CTDNEP1: variants seen among roughly 807,000 people sequenced by gnomAD.
CTDNEP1 encodes the protein CTD nuclear envelope phosphatase 1.
CTDNEP1 carries 3 observed loss-of-function variants against 30.1 expected under a neutral mutation model. The observed-to-expected ratio is 0.10, with a 90% CI of 0.05 to 0.26. The LOEUF (loss-of-function observed/expected upper bound fraction) is 0.26, where lower values mean the gene tolerates loss of function less well. Among genes scored for constraint, CTDNEP1 ranks in the 10% least tolerant of loss-of-function variants. The probability of loss-of-function intolerance (pLI) is 1.00; values close to 1 mark genes in which losing one functional copy is unlikely to be tolerated. For synonymous variants in CTDNEP1, 123 were observed against 118.8 expected, an observed-to-expected ratio of 1.04 and a Z score of -0.23; for missense variants, 158 against 310.4, an observed-to-expected ratio of 0.51 and a Z score of 3.69.
chr17:7,244,480 T>C, intron 7 of CTDNEP1, 71 bp downstream of exon 7: 2 of 1,431,660 alleles, frequency 1.4e-6, no homozygotes, highest in Non-Finnish European at 2.0e-6. Context: ...AAACCTTTTT[T>C]ATTCCCTCTG....
intron 1 of CTDNEP1, among the ~76,000 whole-genome samples, chr17:7,247,605 A>T (rs2071859603): frequency 1.3e-5 from 2 of 151,564 alleles, no homozygotes; most frequent in Admixed American, 1.3e-4. Flanking sequence ...AATAGCTGGG[A>T]CTACAGGCGT....
Position 7,247,177 on chromosome 17 carries a change from C to G in CTDNEP1, c.175G>C (p.Val59Leu), listed in dbSNP as rs2071849588. The change falls in exon 3 of 8, where the codon GTG becomes CTG. Residue 59 changes from valine to leucine, a missense_variant. Coordinates refer to ENST00000574322, the MANE Select transcript of CTDNEP1 (RefSeq NM_001143775.2). ...TCCAGCACCAGGATCTTCCTCTTCA[C>G]CTGGGCTGAACCAGAGTGGGGAGGA... Reference protein sequence around the residue: ...SPVSRNRLAQVKRKILVLDLD... With the variant: ...SPVSRNRLAQLKRKILVLDLD... The G allele has an allele frequency of 6.2e-7, 1 of 1,613,530 alleles. No individual in the cohort carries two copies. The highest frequency in any genetic ancestry group is 1.3e-5 in the African/African-American group (1 of 74,880).
Position 7,246,263 on chromosome 17 carries a change from A to G in CTDNEP1, c.468T>C (p.Tyr156=), listed in dbSNP as rs761474813. Residue 156 remains tyrosine (Y), a synonymous_variant, in exon 5 of 8, where the codon TAT becomes TAC. Transcript: ENST00000574322. The surrounding 1 kb of genome is among the most constrained non-coding windows in gnomAD (Gnocchi z 4.9). ...TGGGATTCTAGCTTACCTGTCTGTA[A>G]TATCTCCTCTTAAGAATGCTTCTGC... ...DNSRSILKRR[Y]YRQHCTLELG... 5.0e-6 allele frequency: 8 copies of G among 1,611,460 alleles called. No homozygotes were observed. The highest frequency in any genetic ancestry group is 2.2e-5 in the East Asian group (1 of 44,884).
intron 6 of CTDNEP1, among the ~76,000 whole-genome samples, chr17:7,245,317 T>C (rs1177720525): frequency 6.6e-6 from 1 of 150,386 alleles, no homozygotes. Flanking sequence ...ATAAAAAAAT[T>C]AGCTGGGCAT....
At position 7,251,350 on chromosome 17, in the gene CTDNEP1, G is replaced by GC. The variant is rs1167137953; in HGVS notation, c.-55dup. The GC allele has an allele frequency of 1.1e-5, 14 of 1,250,978 alleles. No homozygotes were observed. Among genetic ancestry groups the GC allele is most frequent in the Middle Eastern group, 5.7e-4 (2 of 3,490 alleles). The allele number at this position is 1,250,978 out of a possible 1,614,324, so 77.5% of individuals were successfully genotyped here. On this transcript the variant is annotated 5_prime_UTR_variant, in exon 1 of 8. Transcript: ENST00000574322. ...GGGCCCCCGCGGCCCAGCTCCGCCAGCCCCCCGGGGGCAGCCCCCCGCCGC... is the reference window on the plus strand; with the variant it reads ...GGGCCCCCGCGGCCCAGCTCCGCCAGCCCCCCCGGGGGCAGCCCCCCGCCGC...
At position 7,248,345 on chromosome 17, in the gene CTDNEP1, G is replaced by A. The variant is rs112787002; in HGVS notation, c.103-1002C>T. ...TACCAATGCAGTTCAACCCAAGAAC[G>A]TGCCCTCTTTTTTTTTCTTTTTTTT... On this transcript the variant is annotated intron_variant, in intron 1 of 7. Coordinates refer to ENST00000574322, the MANE Select transcript of CTDNEP1 (RefSeq NM_001143775.2). Among the ~76,000 whole-genome samples the A allele has an allele frequency of 3.9e-3, 557 of 144,504 alleles. 7 individuals are homozygous for A. The highest frequency in any genetic ancestry group is 0.014 in the African/African-American group (538 of 38,706). The allele number at this position is 144,504 out of a possible 152,430, so 94.8% of individuals were successfully genotyped here. A position where few individuals can be genotyped will look rare whatever the true frequency, so the allele number is the denominator to read the frequency against.
At position 7,248,460 on chromosome 17, in the gene CTDNEP1, A is replaced by G. The variant is rs2071873015; in HGVS notation, c.103-1117T>C. Among the ~76,000 whole-genome samples the G allele has an allele frequency of 2.0e-5, 3 of 149,746 alleles. 1 individual carries two copies. The South Asian group carries it at 6.3e-4, about 32-fold the overall frequency. Reference sequence around the variant, plus strand: ...CTGCAACCTCCACCTCCCAGGTTCAAGCAATTCTCCTGCCTCAGCCTCCTA... The same window carrying G: ...CTGCAACCTCCACCTCCCAGGTTCAGGCAATTCTCCTGCCTCAGCCTCCTA... On this transcript the variant is annotated intron_variant, in intron 1 of 7. Coordinates refer to ENST00000574322, the MANE Select transcript of CTDNEP1 (RefSeq NM_001143775.2).
chr17:7,249,171 C>T (rs533791622), intron 1 of CTDNEP1, among the ~76,000 whole-genome samples: 7 of 152,304 alleles, frequency 4.6e-5, no homozygotes, highest in East Asian at 3.9e-4. Flanking sequence ...TTTCCTAATA[C>T]GCACATCTCC....
chr17:7,244,972 A>G (rs1469963413), intron 6 of CTDNEP1: 2 of 228,564 alleles, frequency 8.8e-6, no homozygotes, highest in African/African-American at 4.7e-5. Flanking sequence ...AGCCTGGGCA[A>G]CATAATGAGA....
At chr17:7,244,658 TGAG>T (rs2071814602) in intron 6 of CTDNEP1, 23 bp from the exon 7 acceptor site, 1 of 1,530,760 alleles carries the variant, frequency 6.5e-7, no homozygotes, top group Non-Finnish European at 8.9e-7. Context: ...AAAATGCAGA[TGAG>T]AAGAAACAGA....
chr17:7,246,553 A>G lies in CTDNEP1; in HGVS notation c.361-183T>C. Reference sequence around the variant, plus strand: ...CCAAACTCAGTGTTAGGCATCCTACACTCTTATGATTCAGAAATGCAAGAA... The same window carrying G: ...CCAAACTCAGTGTTAGGCATCCTACGCTCTTATGATTCAGAAATGCAAGAA... On this transcript the variant is annotated intron_variant, in intron 4 of 7. Transcript: ENST00000574322. The surrounding 1 kb of genome is among the most constrained non-coding windows in gnomAD (Gnocchi z 4.9). 1.6e-6 allele frequency: 1 copy of G among 638,268 alleles called. No individual in the cohort carries two copies. The highest frequency in any genetic ancestry group is 2.8e-6 in the Non-Finnish European group (1 of 362,184). 39.5% of individuals were successfully genotyped at this position (638,268 alleles called of 1,614,324 possible).
At chr17:7,247,393 C>G in intron 1 of CTDNEP1, 50 bp from the exon 2 acceptor site, 4 of 1,421,274 alleles carry the variant, frequency 2.8e-6, no homozygotes, top group Non-Finnish European at 4.0e-6. Context: ...GAAGCCTTCC[C>G]CAGTAACAGT....
At chr17:7,244,316 G>C (rs1363603246) in intron 7 of CTDNEP1, 71 bp from the exon 8 acceptor site, 1 of 1,515,216 alleles carries the variant, frequency 6.6e-7, no homozygotes, top group African/African-American at 1.4e-5. Flanking sequence ...TTGTAAGGCA[G>C]CATCACTGGA....
intron 1 of CTDNEP1, among the ~76,000 whole-genome samples, chr17:7,250,507 A>C (rs1056686786): frequency 3.0e-4 from 45 of 152,148 alleles, no homozygotes; most frequent in African/African-American, 1.0e-3. Flanking sequence ...CTGTCCTCTG[A>C]CAGGGACACC....
intron 1 of CTDNEP1, among the ~76,000 whole-genome samples, chr17:7,250,258 G>C (rs1484377288): frequency 1.3e-5 from 2 of 152,156 alleles, no homozygotes; most frequent in Non-Finnish European, 2.9e-5. Flanking sequence ...CCCAGAACCT[G>C]TGTCTCCGCT....
Position 7,244,274 on chromosome 17 carries a change from AG to A in CTDNEP1, c.675-30del, listed in dbSNP as rs780889842. ...GGGTGACAATAACTTGCATTGGTAG[AG>A]TACCTTATAGTTCATACCCTCACAA... On this transcript the variant is annotated intron_variant, in intron 7 of 7. Transcript: ENST00000574322. 6.8e-6 allele frequency: 11 copies of A among 1,610,026 alleles called. No homozygotes were observed. In the South Asian group the frequency reaches 1.2e-4, roughly 18 times the overall value.
rs772902142 is a variant in CTDNEP1 at position 7,246,866 on chromosome 17, C to T, written c.289-4G>A. 4.3e-6 allele frequency: 7 copies of T among 1,613,528 alleles called. No individual in the cohort carries two copies. The highest frequency in any genetic ancestry group is 5.9e-6 in the Non-Finnish European group (7 of 1,179,476). ...CAGGATGTTTGTCTATTACCACCTA[C>T]AGAGGAACAAGATGGGCTGGGGGAT... On this transcript the variant is annotated splice_region_variant and splice_polypyrimidine_tract_variant and intron_variant, in intron 3 of 7. Transcript: ENST00000574322. The surrounding 1 kb of genome is among the most constrained non-coding windows in gnomAD (Gnocchi z 4.9).
At position 7,246,673 on chromosome 17, in the gene CTDNEP1, C is replaced by T. The variant is rs530627269; in HGVS notation, c.360+118G>A. 1.2e-6 allele frequency: 1 copy of T among 816,052 alleles called. No individual in the cohort carries two copies. The highest frequency in any genetic ancestry group is 2.4e-5 in the East Asian group (1 of 41,198). 50.6% of individuals were successfully genotyped at this position (816,052 alleles called of 1,614,324 possible). ...ACTCCCCTACCATTACACAGCCTCC[C>T]CTCTAGAAAACTGCTCTAACCCGTT... On this transcript the variant is annotated intron_variant, in intron 4 of 7. Coordinates refer to ENST00000574322, the MANE Select transcript of CTDNEP1 (RefSeq NM_001143775.2). The surrounding 1 kb of genome is among the most constrained non-coding windows in gnomAD (Gnocchi z 4.9).
intron 1 of CTDNEP1, 113 bp downstream of exon 1, chr17:7,251,082 C>T: frequency 1.5e-6 from 1 of 689,312 alleles, no homozygotes; most frequent in Non-Finnish European, 2.3e-6. Flanking sequence ...GCCAGGATTC[C>T]CTTCCTAGGC....
Sources: allele counts gnomAD v4.1 joint callset (sites outside exome capture counted in the v4.1 genomes callset), GRCh38; gene constraint gnomAD v4.1.1; non-coding constraint Gnocchi (gnomAD v3.1); transcripts MANE v1.5; gene names NCBI Gene and HGNC (gene_info 2026-07-23, HGNC 2026-07-21).